MYLK: variants seen among roughly 807,000 people sequenced by gnomAD.
MYLK encodes myosin light chain kinase.
In MYLK, 106 loss-of-function variants were observed where a neutral mutation model predicts 203.4. That is an observed-to-expected ratio of 0.52 (90% CI 0.45 to 0.61). The LOEUF is 0.61. Ranked by LOEUF, MYLK falls within the 20% of genes least tolerant of loss-of-function variation. The probability of loss-of-function intolerance (pLI) is 0.00; values close to 1 mark genes in which losing one functional copy is unlikely to be tolerated. For missense variants in MYLK, 2,072 were observed against 2,442.3 expected (o/e 0.85, Z 3.20); for synonymous variants, 867 against 959.5 (o/e 0.90, Z 1.78).
intron 11 of MYLK, among the ~76,000 whole-genome samples, chr3:123,730,989 C>T (rs747390200): frequency 5.3e-5 from 8 of 152,120 alleles, no homozygotes; most frequent in African/African-American, 7.2e-5. Context: ...CCCCATGACG[C>T]GAACAGGCTA....
In MYLK at chr3:123,648,358, C is replaced by T. The variant is rs530983464; in HGVS notation, c.4415+613G>A. Among the ~76,000 whole-genome samples, 5 of 152,326 alleles carry T rather than the reference C, an allele frequency of 3.3e-5. No homozygotes were observed. Among genetic ancestry groups the T allele is most frequent in the East Asian group, 3.9e-4 (2 of 5,186 alleles). On this transcript the variant is annotated intron_variant, in intron 26 of 33. Coordinates refer to ENST00000360304, the MANE Select transcript of MYLK (RefSeq NM_053025.4). This position sits in a 1 kb window ranked among gnomAD's most constrained non-coding sequence, Gnocchi z 4.5. ...TGCTGCGCGTTTAATGGAGCACTAA[C>T]GCAGGCATTGCTTTACAGTGAGCAC...
rs138093727 is a variant in MYLK, at chr3:123,829,197, T to A, written c.-4+2351A>T. Among the ~76,000 whole-genome samples the A allele has an allele frequency of 1.3e-3, 193 of 152,202 alleles. 5 individuals carry two copies. The East Asian group carries it at 0.032, about 26-fold the overall frequency. ...CCAAGAAATGGGATCAATGTAGGTA[T>A]CCAACAGAAGATGAATGGATAAATA... On this transcript the variant is annotated intron_variant, in intron 3 of 33. Coordinates refer to ENST00000360304, the MANE Select transcript of MYLK (RefSeq NM_053025.4).
intron 2 of MYLK, among the ~76,000 whole-genome samples, chr3:123,833,996 C>T (rs564491231): frequency 7.9e-5 from 12 of 152,244 alleles, no homozygotes; most frequent in Non-Finnish European, 1.5e-4. Context: ...ATAGGGTTTT[C>T]AAAAGGAAAC....
At chr3:123,679,829 A>C (rs550219198) in intron 20 of MYLK, among the ~76,000 whole-genome samples, 47 of 152,308 alleles carry the variant, frequency 3.1e-4, no homozygotes, top group African/African-American at 1.1e-3. Flanking sequence ...CTCTCTGGGC[A>C]ACATGATACC....
In MYLK at chr3:123,851,336, G is replaced by C. The variant is rs568995274; in HGVS notation, c.-126-19666C>G. ...CTGAATCTATAAATTACCTTGGGCA[G>C]TATGGCCAGTTTCATGATATTGATT... On this transcript the variant is annotated intron_variant, in intron 2 of 33. Transcript: ENST00000360304. Among the ~76,000 whole-genome samples the C allele has an allele frequency of 1.1e-4, 17 of 152,298 alleles. 1 individual carries two copies. The East Asian group carries it at 2.3e-3, about 21-fold the overall frequency.
At chr3:123,736,392 G>C (rs1471371160) in intron 8 of MYLK, among the ~76,000 whole-genome samples, 3 of 152,126 alleles carry the variant, frequency 2.0e-5, no homozygotes, top group Non-Finnish European at 2.9e-5. Flanking sequence ...AGAAAAGAGA[G>C]GGACAAAGAA....
intron 13 of MYLK, among the ~76,000 whole-genome samples, chr3:123,720,127 G>C (rs820348): frequency 0.98 from 149,594 of 152,322 alleles, 73,507 homozygotes; most frequent in Middle Eastern, 1. Flanking sequence ...AGGGGGTTCT[G>C]TCATGCAGGC....
chr3:123,703,488 T>C (rs1317922334), intron 16 of MYLK, among the ~76,000 whole-genome samples: 1 of 152,182 alleles, frequency 6.6e-6, no homozygotes, highest in Non-Finnish European at 1.5e-5. Context: ...GCTCAGACTG[T>C]CAGAGGGCAC....
At chr3:123,732,816 G>A in intron 11 of MYLK, 80 bp downstream of exon 11, 1 of 1,385,210 alleles carries the variant, frequency 7.2e-7, no homozygotes, top group Non-Finnish European at 1.0e-6. Flanking sequence ...TATAGGAGAT[G>A]AACCATCTGC....
intron 11 of MYLK, among the ~76,000 whole-genome samples, 181 bp from the exon 12 acceptor site, chr3:123,726,259 A>G (rs909792784): frequency 1.5e-4 from 23 of 152,286 alleles, no homozygotes; most frequent in African/African-American, 5.3e-4. Flanking sequence ...ATGTAGGGAC[A>G]TGGAGCCTGA....
Position 123,736,973 on chromosome 3 carries a change from C to T in MYLK, c.754+405G>A, listed in dbSNP as rs536931049. ...TGTGGCCGGGCGTGGTGGCTCACAC[C>T]TGTAATCCCAGCACTTTGGGAGGCC... On this transcript the variant is annotated intron_variant, in intron 8 of 33. Transcript: ENST00000360304. Among the ~76,000 whole-genome samples the T allele has an allele frequency of 3.3e-5, 5 of 152,026 alleles. No homozygotes were observed. In the East Asian group the frequency reaches 9.7e-4, roughly 29 times the overall value.
chr3:123,618,414 A>C, intron 33 of MYLK: 1 of 550,070 alleles, frequency 1.8e-6, no homozygotes, highest in Non-Finnish European at 3.3e-6. Flanking sequence ...GAAATTTCAA[A>C]TGTGCCCCCT....
intron 11 of MYLK, 75 bp from the exon 12 acceptor site, chr3:123,726,153 C>T (rs2062275617): frequency 1.3e-6 from 2 of 1,590,860 alleles, no homozygotes; most frequent in Admixed American, 1.7e-5. Flanking sequence ...ACCCCAGCCT[C>T]CCAGGCACGC....
chr3:123,717,367 C>G (rs534822020), intron 13 of MYLK, among the ~76,000 whole-genome samples: 1 of 152,212 alleles, frequency 6.6e-6, no homozygotes, highest in African/African-American at 2.4e-5. Context: ...TGCATCAAAA[C>G]AAATACTCTA....
chr3:123,758,873 A>G (rs116325517), intron 4 of MYLK, among the ~76,000 whole-genome samples: 4,326 of 152,142 alleles, frequency 0.028, 204 homozygotes, highest in African/African-American at 0.096. Flanking sequence ...TGCCCAGGCT[A>G]GAGTGCAGTG....
At position 123,725,374 on chromosome 3, in the gene MYLK, G is replaced by A. The variant is rs115678864; in HGVS notation, c.1651+570C>T. ...TAAAAAGAAAAGGGTGATAATATAC[G>A]GCAAATAATTTTTTAAAGGACCTTA... On this transcript the variant is annotated intron_variant, in intron 12 of 33. Transcript: ENST00000360304. 7.0e-3 allele frequency among the ~76,000 whole-genome samples: 1,059 copies of A among 152,244 alleles called. 18 individuals are homozygous for A. Among genetic ancestry groups the A allele is most frequent in the African/African-American group, 0.024 (987 of 41,526 alleles).
rs1477764878 is a variant in MYLK, at chr3:123,701,496, C to T, written c.2404G>A (p.Glu802Lys). The T allele has an allele frequency of 1.5e-5, 25 of 1,613,856 alleles. No individual in the cohort carries two copies. Among genetic ancestry groups the T allele is most frequent in the Admixed American group, 3.3e-5 (2 of 60,004 alleles). ...YEILLKNRVGECSCQVSLMLQ... is the reference protein window; with the variant it reads ...YEILLKNRVGKCSCQVSLMLQ... ...ATCAGTGACACCTGGCAACTGCATTCGCCAACCCGGTTCCTGAAGAATTCC... is the reference window on the plus strand; with the variant it reads ...ATCAGTGACACCTGGCAACTGCATTTGCCAACCCGGTTCCTGAAGAATTCC... Residue 802 changes from glutamate to lysine, a missense_variant, in exon 17 of 34, where the codon GAA becomes AAA. Coordinates refer to ENST00000360304, the MANE Select transcript of MYLK (RefSeq NM_053025.4).
intron 13 of MYLK, among the ~76,000 whole-genome samples, chr3:123,714,474 A>G (rs927981262): frequency 6.6e-6 from 1 of 152,150 alleles, no homozygotes; most frequent in Non-Finnish European, 1.5e-5. Context: ...AGAGGCCCCC[A>G]GTGACAAGGT....
intron 19 of MYLK, among the ~76,000 whole-genome samples, chr3:123,685,563 C>T (rs537693776): frequency 6.9e-6 from 1 of 145,522 alleles, no homozygotes; most frequent in Non-Finnish European, 1.5e-5. Context: ...GTGATCATGC[C>T]ACTTAACTCC....
Sources: gnomAD v4.1 joint callset for allele counts (sites outside exome capture counted in the v4.1 genomes callset) on GRCh38, gnomAD v4.1.1 for gene constraint, Gnocchi (gnomAD v3.1) non-coding constraint, MANE v1.5 for transcripts, NCBI Gene and HGNC (gene_info 2026-07-23, HGNC 2026-07-21) for gene names.